Variants in RIT2 observed in about 807,000 individuals in gnomAD.
RIT2 encodes the protein Ras like without CAAX 2.
Under a neutral mutation model 23.7 loss-of-function variants are expected in RIT2, and 24 were observed. That is an observed-to-expected ratio of 1.01 (90% CI 0.73 to 1.43). The LOEUF (loss-of-function observed/expected upper bound fraction) is 1.43. Ranked by LOEUF, RIT2 falls within the 40% of genes most tolerant of loss-of-function variation. The pLI is 0.00. For synonymous variants in RIT2, 107 were observed against 91.1 expected, an observed-to-expected ratio of 1.17 and a Z score of -0.99; for missense variants, 236 against 266.9, an observed-to-expected ratio of 0.88 and a Z score of 0.81.
intron 1 of RIT2, among the ~76,000 whole-genome samples, chr18:43,101,187 T>C (rs1428256159): frequency 1.3e-5 from 2 of 152,102 alleles, no homozygotes; most frequent in Admixed American, 6.5e-5. Context: ...TTCATACGTA[T>C]GTTAAATTCT....
intron 1 of RIT2, among the ~76,000 whole-genome samples, chr18:43,080,821 A>G (rs1913140171): frequency 6.6e-6 from 1 of 152,166 alleles, no homozygotes; most frequent in African/African-American, 2.4e-5. Context: ...AACAACTTTT[A>G]TTCCTGTTGT....
intron 1 of RIT2, among the ~76,000 whole-genome samples, chr18:43,094,907 C>T (rs1014204268): frequency 1.3e-5 from 2 of 151,826 alleles, no homozygotes; most frequent in African/African-American, 4.8e-5. Context: ...TTTTTTATGG[C>T]TGCATAGAAT....
chr18:42,811,083 T>C (rs1381926668), intron 4 of RIT2, among the ~76,000 whole-genome samples: 1 of 152,022 alleles, frequency 6.6e-6, no homozygotes, highest in Non-Finnish European at 1.5e-5. Flanking sequence ...AAAGTTAGAG[T>C]AGATGACCTC....
intron 2 of RIT2, among the ~76,000 whole-genome samples, chr18:42,980,239 T>G (rs1910567141): frequency 6.6e-6 from 1 of 152,070 alleles, no homozygotes; most frequent in Admixed American, 6.6e-5. Flanking sequence ...CACAAGGACC[T>G]AAACCCTAGA....
At chr18:43,069,621 A>G (rs531806341) in intron 1 of RIT2, among the ~76,000 whole-genome samples, 11 of 152,270 alleles carry the variant, frequency 7.2e-5, no homozygotes, top group African/African-American at 2.6e-4. Context: ...CATGGAAAAT[A>G]TCAATCAAAT....
intron 4 of RIT2, among the ~76,000 whole-genome samples, chr18:42,760,649 G>C (rs1913279130): frequency 6.6e-6 from 1 of 152,186 alleles, no homozygotes; most frequent in Non-Finnish European, 1.5e-5. Context: ...CCACTTACTA[G>C]TTGAATGACC....
intron 4 of RIT2, among the ~76,000 whole-genome samples, chr18:42,769,600 A>C (rs1455633597): frequency 6.6e-6 from 1 of 152,066 alleles, no homozygotes; most frequent in South Asian, 2.1e-4. Flanking sequence ...GAAAGCAAAA[A>C]CAAAAATTTT....
At chr18:42,830,284 C>T (rs1457289869) in intron 4 of RIT2, among the ~76,000 whole-genome samples, 1 of 152,178 alleles carries the variant, frequency 6.6e-6, no homozygotes, top group Non-Finnish European at 1.5e-5. Flanking sequence ...CAAAAGCAAC[C>T]ATCAACCATC....
intron 4 of RIT2, among the ~76,000 whole-genome samples, chr18:42,845,927 T>C (rs990962344): frequency 7.9e-5 from 12 of 151,942 alleles, no homozygotes; most frequent in African/African-American, 2.9e-4. Context: ...ACTTTTTTAA[T>C]GCATATATGA....
chr18:42,860,244 C>T (rs1674953650), intron 4 of RIT2, among the ~76,000 whole-genome samples: 5 of 152,152 alleles, frequency 3.3e-5, no homozygotes, highest in Non-Finnish European at 7.3e-5. Flanking sequence ...TCTCTGGTGG[C>T]TGCTAGGCTA....
chr18:42,886,213 A>T (rs4890414), intron 4 of RIT2, among the ~76,000 whole-genome samples: 19,930 of 152,196 alleles, frequency 0.13, 1,339 homozygotes, highest in Middle Eastern at 0.26. Flanking sequence ...GTGAGTTTTA[A>T]ATTTGCTTCC....
intron 4 of RIT2, 140 bp from the exon 5 acceptor site, chr18:42,743,860 C>T: frequency 4.8e-6 from 3 of 629,184 alleles, no homozygotes; most frequent in East Asian, 2.7e-5. Flanking sequence ...CAGGTATACG[C>T]CCAGATGGCC....
intron 4 of RIT2, among the ~76,000 whole-genome samples, chr18:42,820,446 A>C (rs922847827): frequency 6.6e-6 from 1 of 152,086 alleles, no homozygotes; most frequent in African/African-American, 2.4e-5. Flanking sequence ...CTGCCCCAGC[A>C]GTTTGACCTA....
intron 4 of RIT2, among the ~76,000 whole-genome samples, chr18:42,909,224 C>A (rs550641505): frequency 1.6e-4 from 24 of 152,188 alleles, no homozygotes; most frequent in African/African-American, 5.8e-4. Flanking sequence ...CTCAGGAATA[C>A]AAAACCAAAT....
intron 4 of RIT2, among the ~76,000 whole-genome samples, chr18:42,885,277 T>A (rs1227767595): frequency 6.6e-6 from 1 of 152,208 alleles, no homozygotes; most frequent in Non-Finnish European, 1.5e-5. Context: ...AATAGAAATA[T>A]TCTCTAGTTA....
chr18:42,760,980 T>C (rs1320710240), intron 4 of RIT2, among the ~76,000 whole-genome samples: 13 of 152,200 alleles, frequency 8.5e-5, no homozygotes, highest in Admixed American at 8.5e-4. Context: ...GGATTCTTCC[T>C]TTGGGCATAT....
intron 4 of RIT2, among the ~76,000 whole-genome samples, chr18:42,776,200 G>A (rs986273121): frequency 2.0e-5 from 3 of 152,102 alleles, no homozygotes; most frequent in Admixed American, 2.0e-4. Context: ...ACAAACAGTT[G>A]GAAAATAGAG....
At chr18:42,853,985 C>T (rs1273897882) in intron 4 of RIT2, among the ~76,000 whole-genome samples, 1 of 152,144 alleles carries the variant, frequency 6.6e-6, no homozygotes, top group East Asian at 1.9e-4. Context: ...TCTTTCTCTG[C>T]CTTCTCTTAT....
At chr18:43,081,608 C>G (rs1296117711) in intron 1 of RIT2, among the ~76,000 whole-genome samples, 1 of 152,112 alleles carries the variant, frequency 6.6e-6, no homozygotes, top group Admixed American at 6.6e-5. Context: ...CTTTCACAGA[C>G]AAGCAAACTA....
Sources: allele counts gnomAD v4.1 joint callset (sites outside exome capture counted in the v4.1 genomes callset), GRCh38; gene constraint gnomAD v4.1.1; transcripts MANE v1.5; gene names NCBI Gene and HGNC (gene_info 2026-07-23, HGNC 2026-07-21).